BICD1: variants seen among roughly 807,000 people sequenced by gnomAD.
BICD1 encodes BICD cargo adaptor 1, also known as protein bicaudal D homolog 1.
A neutral mutation model predicts 92.5 loss-of-function variants in BICD1; 35 were observed. The ratio of observed to expected loss-of-function variants is 0.38; its 90% CI spans 0.29 to 0.50. BICD1 has a LOEUF of 0.50. BICD1 is among the 20% of genes least tolerant of loss of function. The probability of loss-of-function intolerance (pLI) is 0.93; values close to 1 mark genes in which losing one functional copy is unlikely to be tolerated. For missense variants in BICD1, 950 were observed against 1,189.8 expected (o/e 0.80, Z 2.97); for synonymous variants, 429 against 465.1 (o/e 0.92, Z 1.00).
intron 2 of BICD1, among the ~76,000 whole-genome samples, chr12:32,283,895 A>G (rs1263666678): frequency 6.6e-6 from 1 of 152,182 alleles, no homozygotes; most frequent in East Asian, 1.9e-4. Flanking sequence ...TGCCCCTGGA[A>G]TTTTCAAATA....
intron 1 of BICD1, among the ~76,000 whole-genome samples, chr12:32,145,796 T>A (rs1186644906): frequency 6.6e-6 from 1 of 152,258 alleles, no homozygotes; most frequent in African/African-American, 2.4e-5. Flanking sequence ...TTCTATTTTC[T>A]GTATATTTGT....
At chr12:32,246,619 C>A (rs1946396144) in intron 2 of BICD1, among the ~76,000 whole-genome samples, 1 of 152,100 alleles carries the variant, frequency 6.6e-6, no homozygotes, top group African/African-American at 2.4e-5. Context: ...TCCTGCAGTA[C>A]AGAGTGAGAC....
intron 2 of BICD1, among the ~76,000 whole-genome samples, chr12:32,275,890 T>A (rs1947261470): frequency 6.6e-6 from 1 of 152,122 alleles, no homozygotes; most frequent in South Asian, 2.1e-4. Context: ...CAGCTTCTAA[T>A]AGCTCATCGC....
intron 2 of BICD1, among the ~76,000 whole-genome samples, chr12:32,243,507 CTT>C (rs1946294426): frequency 6.6e-6 from 1 of 151,874 alleles, no homozygotes; most frequent in African/African-American, 2.4e-5. Flanking sequence ...TGGTAGAAGA[CTT>C]TTTAAATTTA....
At chr12:32,348,721 AAAAT>A (rs1938728451) in intron 8 of BICD1, among the ~76,000 whole-genome samples, 2 of 116,434 alleles carry the variant, frequency 1.7e-5, no homozygotes, top group Admixed American at 1.1e-4. Flanking sequence ...AGCTCACACA[AAAAT>A]ATATATATAT....
chr12:32,169,160 A>T (rs1391621066), intron 1 of BICD1, among the ~76,000 whole-genome samples: 1 of 152,146 alleles, frequency 6.6e-6, no homozygotes, highest in African/African-American at 2.4e-5. Flanking sequence ...TCAGGCTCTG[A>T]TGGGGAATTG....
In BICD1 at chr12:32,340,277, G is replaced by T. The variant is rs908066406; in HGVS notation, c.2764+1298G>T. The T allele has an allele frequency of 9.1e-6, 9 of 985,148 alleles. No individual in the cohort carries two copies. In the Admixed American group the frequency reaches 1.8e-4, roughly 20 times the overall value. 61.0% of individuals were successfully genotyped at this position (985,148 alleles called of 1,614,324 possible). On this transcript the variant is annotated intron_variant, in intron 8 of 9. Transcript: ENST00000652176. ...ATTGGTAGTGATAATGAGTTGGAAT[G>T]GTGTAATAGCCAAAATATACACCTA...
At chr12:32,201,396 A>G (rs1944902947) in intron 1 of BICD1, among the ~76,000 whole-genome samples, 1 of 152,218 alleles carries the variant, frequency 6.6e-6, no homozygotes, top group African/African-American at 2.4e-5. Context: ...ACTTCTTCAT[A>G]CAATGTAATG....
chr12:32,342,277 C>T (rs1170027515), intron 8 of BICD1, among the ~76,000 whole-genome samples: 2 of 131,638 alleles, frequency 1.5e-5, no homozygotes, highest in South Asian at 2.4e-4. Context: ...TTTTTTGAGA[C>T]GGAGTTTTCC....
chr12:32,354,254 TC>T (rs1939007717), intron 8 of BICD1: 1 of 152,170 alleles, frequency 6.6e-6, no homozygotes, highest in Admixed American at 6.5e-5. Flanking sequence ...CTAAAAATGC[TC>T]CCTCTCTACT....
chr12:32,325,690 T>A (rs1198271409), intron 4 of BICD1, among the ~76,000 whole-genome samples: 1 of 152,162 alleles, frequency 6.6e-6, no homozygotes. Flanking sequence ...TAATGATTAA[T>A]ATTTATTATA....
chr12:32,209,734 G>T (rs901402548), intron 1 of BICD1, among the ~76,000 whole-genome samples: 4 of 145,042 alleles, frequency 2.8e-5, no homozygotes, highest in African/African-American at 9.7e-5. Context: ...GAAAGGCCAG[G>T]TTCTAGGTCA....
chr12:32,233,806 C>CT (rs1265355565), intron 2 of BICD1, among the ~76,000 whole-genome samples: 4 of 152,066 alleles, frequency 2.6e-5, no homozygotes, highest in Non-Finnish European at 5.9e-5. Context: ...CAATTTTAAT[C>CT]TTTTTTTTAC....
chr12:32,152,297 G>A (rs917596429), intron 1 of BICD1, among the ~76,000 whole-genome samples: 1 of 150,376 alleles, frequency 6.6e-6, no homozygotes, highest in African/African-American at 2.5e-5. Context: ...CACATAGGCT[G>A]GTGTGCCATG....
chr12:32,339,288 A>G (rs1938261637), intron 8 of BICD1: 1 of 1,053,750 alleles, frequency 9.5e-7, no homozygotes, highest in Non-Finnish European at 1.1e-6. Context: ...GCAGTTTGGT[A>G]GCTCATGGCG....
intron 2 of BICD1, among the ~76,000 whole-genome samples, chr12:32,273,241 C>G (rs931139069): frequency 1.3e-5 from 2 of 152,172 alleles, no homozygotes; most frequent in Admixed American, 6.5e-5. Flanking sequence ...TTATTGCACT[C>G]TACTCTCATA....
At chr12:32,342,680 T>G (rs983181708) in intron 8 of BICD1, among the ~76,000 whole-genome samples, 4 of 152,198 alleles carry the variant, frequency 2.6e-5, no homozygotes, top group Admixed American at 2.0e-4. Flanking sequence ...GTTTAATTTG[T>G]TTTTAATCCT....
At chr12:32,362,329 C>T (rs112434676) in intron 8 of BICD1, among the ~76,000 whole-genome samples, 9,508 of 152,124 alleles carry the variant, frequency 0.063, 422 homozygotes, top group Middle Eastern at 0.13. Flanking sequence ...CATTGCACTC[C>T]AGCCTGGGCA....
chr12:32,248,684 T>C (rs1438042346), intron 2 of BICD1, among the ~76,000 whole-genome samples: 1 of 152,182 alleles, frequency 6.6e-6, no homozygotes, highest in African/African-American at 2.4e-5. Flanking sequence ...TGCAGGATTT[T>C]GGCTCTTTAG....
Sources: allele counts gnomAD v4.1 joint callset (sites outside exome capture counted in the v4.1 genomes callset), GRCh38; gene constraint gnomAD v4.1.1; transcripts MANE v1.5; gene names NCBI Gene and HGNC (gene_info 2026-07-23, HGNC 2026-07-21).